Variants in CEP128 observed in about 807,000 individuals in gnomAD.
CEP128 encodes the protein centrosomal protein 128.
In CEP128, 132 loss-of-function variants were observed where a neutral mutation model predicts 156.7. The ratio of observed to expected loss-of-function variants is 0.84; its 90% CI spans 0.73 to 0.97. The LOEUF (loss-of-function observed/expected upper bound fraction) is 0.97. CEP128 is among the 50% of genes least tolerant of loss of function. CEP128 has a pLI of 0.00. For missense variants in CEP128, 1,252 were observed against 1,281.9 expected, an observed-to-expected ratio of 0.98 and a Z score of 0.36; for synonymous variants, 469 against 448.9, an observed-to-expected ratio of 1.04 and a Z score of -0.57.
At chr14:80,602,874 T>A (rs1233341375) in intron 19 of CEP128, among the ~76,000 whole-genome samples, 8 of 151,730 alleles carry the variant, frequency 5.3e-5, no homozygotes, top group Non-Finnish European at 1.0e-4. Context: ...AGAAGGAAAT[T>A]TGGGGAATTC....
intron 21 of CEP128, among the ~76,000 whole-genome samples, chr14:80,537,879 A>T (rs1182345359): frequency 1.3e-5 from 2 of 152,054 alleles, no homozygotes; most frequent in East Asian, 3.8e-4. Flanking sequence ...CAGCATCCCT[A>T]ATTTGTGGAT....
chr14:80,517,370 C>T (rs1172132370), intron 23 of CEP128, among the ~76,000 whole-genome samples: 2 of 152,082 alleles, frequency 1.3e-5, no homozygotes, highest in Admixed American at 6.5e-5. Context: ...TGTTACAGAT[C>T]TCCCTCTGAG....
At chr14:80,943,861 G>A (rs1241906214), upstream of CEP128, among the ~76,000 whole-genome samples, 3 of 152,040 alleles carry the variant, frequency 2.0e-5, no homozygotes, top group African/African-American at 4.8e-5. Context: ...AGGTGTGGTG[G>A]TGGGCACCTG....
intron 8 of CEP128, among the ~76,000 whole-genome samples, chr14:80,870,580 A>G (rs1049658543): frequency 3.3e-5 from 5 of 152,088 alleles, no homozygotes; most frequent in African/African-American, 4.8e-5. Context: ...TAAATTAGAC[A>G]TAGAATGAGT....
intron 8 of CEP128, among the ~76,000 whole-genome samples, chr14:80,881,663 A>C (rs1160025706): frequency 3.3e-5 from 5 of 152,210 alleles, no homozygotes; most frequent in African/African-American, 4.8e-5. Flanking sequence ...ATACTGATGC[A>C]AAAACCCTCA....
intron 13 of CEP128, chr14:80,830,198 G>C: frequency 1.6e-6 from 1 of 620,294 alleles, no homozygotes; most frequent in Non-Finnish European, 2.9e-6. Flanking sequence ...AACATGTAGA[G>C]GGCTTTGTAA....
chr14:80,620,073 C>T (rs1240627479), intron 19 of CEP128, among the ~76,000 whole-genome samples: 2 of 150,844 alleles, frequency 1.3e-5, no homozygotes, highest in African/African-American at 2.4e-5. Context: ...TGCAGTGAGC[C>T]GAGATCGCAC....
At chr14:80,859,460 G>A (rs1404050979) in intron 9 of CEP128, among the ~76,000 whole-genome samples, 1 of 151,264 alleles carries the variant, frequency 6.6e-6, no homozygotes, top group Non-Finnish European at 1.5e-5. Context: ...TGACGAGTTA[G>A]TGGGTGCAGC....
chr14:80,766,598 C>T (rs1900250979), intron 16 of CEP128, among the ~76,000 whole-genome samples: 1 of 152,038 alleles, frequency 6.6e-6, no homozygotes, highest in South Asian at 2.1e-4. Context: ...TCCAGAAATG[C>T]CACTTTATTT....
chr14:80,825,203 T>A (rs1220981080), intron 13 of CEP128, among the ~76,000 whole-genome samples: 1 of 152,180 alleles, frequency 6.6e-6, no homozygotes, highest in African/African-American at 2.4e-5. Flanking sequence ...GAGATTTCGG[T>A]GGGGACACAG....
intron 7 of CEP128, 94 bp from the exon 8 acceptor site, chr14:80,895,884 A>G (rs1566700501): frequency 1.1e-6 from 1 of 897,200 alleles, no homozygotes; most frequent in East Asian, 2.8e-5. Context: ...TGTTATTACA[A>G]AATATTCTAC....
chr14:80,922,725 G>A (rs1314656662), intron 2 of CEP128, among the ~76,000 whole-genome samples: 1 of 152,030 alleles, frequency 6.6e-6, no homozygotes, highest in Admixed American at 6.6e-5. Context: ...AGATTTAAAA[G>A]AAAAAAGTTC....
At chr14:80,814,458 C>G (rs949832075) in intron 13 of CEP128, among the ~76,000 whole-genome samples, 1 of 150,242 alleles carries the variant, frequency 6.7e-6, no homozygotes, top group Non-Finnish European at 1.5e-5. Context: ...GATCCTCTTC[C>G]TAGCACAATC....
At chr14:80,811,677 ATGTGTGTGTG>A (rs71645384) in intron 13 of CEP128, among the ~76,000 whole-genome samples, 8 of 146,388 alleles carry the variant, frequency 5.5e-5, no homozygotes, top group Middle Eastern at 3.3e-3. Context: ...GTACAGACAT[ATGTGTGTGTG>A]TGTGTGTGTG....
intron 9 of CEP128, among the ~76,000 whole-genome samples, chr14:80,849,329 T>C (rs1398694308): frequency 2.0e-5 from 3 of 152,186 alleles, no homozygotes; most frequent in African/African-American, 7.2e-5. Flanking sequence ...AACTGGAAAC[T>C]GGGAGCTCCA....
intron 21 of CEP128, among the ~76,000 whole-genome samples, chr14:80,531,202 C>T (rs1889210471): frequency 6.6e-6 from 1 of 152,132 alleles, no homozygotes; most frequent in Admixed American, 6.5e-5. Context: ...TATTAATTTA[C>T]AAACCTGCTT....
intron 8 of CEP128, among the ~76,000 whole-genome samples, chr14:80,875,657 T>C (rs1036105371): frequency 6.6e-6 from 1 of 152,108 alleles, no homozygotes; most frequent in Admixed American, 6.6e-5. Flanking sequence ...TGAAAATCAG[T>C]GAGTGGGTTT....
At chr14:80,519,599 C>A (rs192389912) in intron 23 of CEP128, among the ~76,000 whole-genome samples, 1 of 152,308 alleles carries the variant, frequency 6.6e-6, no homozygotes, top group African/African-American at 2.4e-5. Flanking sequence ...TCTATCAGTG[C>A]TCAAGAAAAC....
At chr14:80,654,097 G>C (rs1436704699) in intron 19 of CEP128, among the ~76,000 whole-genome samples, 1 of 152,134 alleles carries the variant, frequency 6.6e-6, no homozygotes, top group Non-Finnish European at 1.5e-5. Flanking sequence ...TAGGAGGCTT[G>C]AGGAATTCAG....
Sources: allele counts gnomAD v4.1 joint callset (sites outside exome capture counted in the v4.1 genomes callset), GRCh38; gene constraint gnomAD v4.1.1; transcripts MANE v1.5; gene names NCBI Gene and HGNC (gene_info 2026-07-23, HGNC 2026-07-21).